RASGRF2: variants seen among roughly 807,000 people sequenced by gnomAD.
RASGRF2 encodes the protein Ras protein specific guanine nucleotide releasing factor 2.
RASGRF2 carries 76 observed loss-of-function variants against 151.0 expected under a neutral mutation model. That is an observed-to-expected ratio of 0.50 (90% CI 0.42 to 0.61). The LOEUF (loss-of-function observed/expected upper bound fraction) is 0.61, where lower values mean the gene tolerates loss of function less well. Ranked by LOEUF, RASGRF2 falls within the 20% of genes least tolerant of loss-of-function variation. RASGRF2 has a pLI of 0.00. For missense variants in RASGRF2, 1,148 were observed against 1,564.6 expected, an observed-to-expected ratio of 0.73 and a Z score of 4.49; for synonymous variants, 504 against 566.5, an observed-to-expected ratio of 0.89 and a Z score of 1.57.
chr5:81,011,741 CAACA>C (rs1749468213), intron 1 of RASGRF2, among the ~76,000 whole-genome samples: 1 of 83,466 alleles, frequency 1.2e-5, no homozygotes, highest in Non-Finnish European at 2.5e-5. Flanking sequence ...AACTCCATCT[CAACA>C]AACAAACAAA....
chr5:81,062,020 A>C (rs1208063897), intron 2 of RASGRF2, among the ~76,000 whole-genome samples: 3 of 150,896 alleles, frequency 2.0e-5, no homozygotes, highest in Admixed American at 6.6e-5. Context: ...AAAAAAAAAA[A>C]AAAACTGTAG....
At chr5:81,215,276 T>C (rs1022364267) in intron 23 of RASGRF2, among the ~76,000 whole-genome samples, 1 of 149,558 alleles carries the variant, frequency 6.7e-6, no homozygotes, top group African/African-American at 2.5e-5. Context: ...TCTTTTTTTT[T>C]TTTTTTTTTT....
Position 81,185,994 on chromosome 5 carries a change from C to T in RASGRF2, c.2793+5713C>T, listed in dbSNP as rs538151981. ...AAGCAGTAATGCCATTTGATGATTC[C>T]GTTATTACTTATGATACAGGGAGTC... On this transcript the variant is annotated intron_variant, in intron 18 of 26. Transcript: ENST00000265080. Among the ~76,000 whole-genome samples, 18 of 152,212 alleles carry T rather than the reference C, an allele frequency of 1.2e-4. No homozygotes were observed. In the South Asian group the frequency reaches 1.7e-3, roughly 14 times the overall value.
At chr5:81,187,366 C>T (rs1755048188) in intron 18 of RASGRF2, among the ~76,000 whole-genome samples, 1 of 152,202 alleles carries the variant, frequency 6.6e-6, no homozygotes, top group African/African-American at 2.4e-5. Context: ...ATAAACAGCA[C>T]AGTTCTAGAC....
intron 18 of RASGRF2, among the ~76,000 whole-genome samples, chr5:81,199,889 C>T (rs1211492550): frequency 8.0e-6 from 1 of 125,776 alleles, no homozygotes; most frequent in Non-Finnish European, 1.6e-5. Flanking sequence ...CAGAGTGAGA[C>T]TCCATCTCAA....
At chr5:81,198,059 A>G (rs1755306337) in intron 18 of RASGRF2, among the ~76,000 whole-genome samples, 1 of 152,164 alleles carries the variant, frequency 6.6e-6, no homozygotes, top group Non-Finnish European at 1.5e-5. Flanking sequence ...AATCATTCAC[A>G]TGTTTAACGT....
chr5:81,113,909 G>A lies in RASGRF2; in HGVS notation c.2459G>A (p.Ser820Asn), dbSNP rs1305121111. ...RVDLCNKLKR[S>N]IQKAVLESAP... is the part of the protein sequence containing the mutation. Reference sequence around the variant, plus strand: ...GATCTGTGTAACAAGCTAAAACGAAGTATTCAAAAAGGTATTATCTAGCAC... The same window carrying A: ...GATCTGTGTAACAAGCTAAAACGAAATATTCAAAAAGGTATTATCTAGCAC... Residue 820 changes from serine (S) to asparagine (N), a missense_variant, in exon 15 of 27, where the codon AGT (serine) becomes AAT (asparagine). Around this residue, in one of 5 missense-constraint regions of RASGRF2, gnomAD observed 646 missense variants for 807.4 expected, o/e 0.80. Coordinates refer to ENST00000265080, the MANE Select transcript of RASGRF2 (RefSeq NM_006909.3). The A allele has an allele frequency of 1.2e-6, 2 of 1,611,304 alleles. No homozygotes were observed. The highest frequency in any genetic ancestry group is 1.1e-5 in the South Asian group (1 of 90,506).
At chr5:81,186,506 T>C (rs1215400033) in intron 18 of RASGRF2, among the ~76,000 whole-genome samples, 1 of 152,352 alleles carries the variant, frequency 6.6e-6, no homozygotes, top group South Asian at 2.1e-4. Flanking sequence ...TTTACATATA[T>C]GCACCCTTTT....
At chr5:81,039,987 T>C (rs188925642) in intron 1 of RASGRF2, among the ~76,000 whole-genome samples, 18 of 152,268 alleles carry the variant, frequency 1.2e-4, no homozygotes, top group Admixed American at 1.2e-3. Context: ...TAATTTTTTT[T>C]ACATTAACTT....
rs568568723 is a variant in RASGRF2 at position 81,223,370 on chromosome 5, G to T, written c.3622-2308G>T. 2.3e-5 allele frequency: 3 copies of T among 131,030 alleles called. No individual in the cohort carries two copies. The Admixed American group carries it at 2.4e-4, about 11-fold the overall frequency. 8.1% of individuals were successfully genotyped at this position (131,030 alleles called of 1,614,324 possible). A position where few individuals can be genotyped will look rare whatever the true frequency, so the allele number is the denominator to read the frequency against. ...AATAAGGCAGGACTCAGCCGGGCGC[G>T]GTGGCTCACGCCTGTAATCCCAGCA... is the stretch of plus-strand genomic sequence containing the variant. On this transcript the variant is annotated intron_variant, in intron 26 of 26. Transcript: ENST00000265080.
At chr5:81,139,878 A>T in intron 17 of RASGRF2, among the ~76,000 whole-genome samples, 1 of 152,148 alleles carries the variant, frequency 6.6e-6, no homozygotes, top group East Asian at 1.9e-4. Context: ...GCTGTCATGG[A>T]GTACAGTGAC....
intron 1 of RASGRF2, among the ~76,000 whole-genome samples, chr5:81,029,978 A>T (rs1750179179): frequency 6.6e-6 from 1 of 152,218 alleles, no homozygotes; most frequent in Admixed American, 6.5e-5. Flanking sequence ...GGAGCTGAAA[A>T]CCATGGCACG....
intron 22 of RASGRF2, among the ~76,000 whole-genome samples, chr5:81,210,964 A>C (rs988587212): frequency 6.6e-6 from 1 of 151,986 alleles, no homozygotes; most frequent in Non-Finnish European, 1.5e-5. Context: ...TGGGCAACAT[A>C]GTGAGACCCT....
At chr5:81,102,584 A>G (rs1051752328) in intron 12 of RASGRF2, among the ~76,000 whole-genome samples, 28 of 151,814 alleles carry the variant, frequency 1.8e-4, no homozygotes, top group African/African-American at 6.3e-4. Context: ...AGTCCCAGCT[A>G]CTCAGGAGGC....
chr5:80,964,435 T>C (rs1747661951), intron 1 of RASGRF2, among the ~76,000 whole-genome samples: 1 of 152,162 alleles, frequency 6.6e-6, no homozygotes, highest in Non-Finnish European at 1.5e-5. Context: ...GTGGCTGTTA[T>C]CCTCTCTTAC....
intron 1 of RASGRF2, among the ~76,000 whole-genome samples, chr5:80,999,748 A>G (rs1011258610): frequency 6.6e-5 from 10 of 151,960 alleles, no homozygotes; most frequent in African/African-American, 1.9e-4. Context: ...CCTTAGTTCG[A>G]TTTCTTTAAT....
At chr5:81,065,143 G>C (rs1223840812) in intron 2 of RASGRF2, among the ~76,000 whole-genome samples, 1 of 152,122 alleles carries the variant, frequency 6.6e-6, no homozygotes, top group Non-Finnish European at 1.5e-5. Context: ...TCGTAGCCTC[G>C]TGACATCCTG....
intron 25 of RASGRF2, among the ~76,000 whole-genome samples, chr5:81,219,230 C>T: frequency 6.6e-6 from 1 of 152,182 alleles, no homozygotes; most frequent in East Asian, 1.9e-4. Context: ...AAGCCCACGA[C>T]ACCACACCTG....
At chr5:80,983,851 T>C (rs1250399236) in intron 1 of RASGRF2, among the ~76,000 whole-genome samples, 2 of 152,268 alleles carry the variant, frequency 1.3e-5, no homozygotes, top group Non-Finnish European at 2.9e-5. Flanking sequence ...AAATAAAATG[T>C]ATTATTAAAG....
Sources: gnomAD v4.1 joint callset for allele counts (sites outside exome capture counted in the v4.1 genomes callset) on GRCh38, gnomAD v4.1.1 for gene constraint, gnomAD v4.1.1 regional missense constraint, MANE v1.5 for transcripts, NCBI Gene and HGNC (gene_info 2026-07-23, HGNC 2026-07-21) for gene names.